AKAP19: variants seen among roughly 807,000 people sequenced by gnomAD.
The protein encoded by AKAP19 is small A-kinase anchoring protein.
the AKAP19 span, among the ~76,000 whole-genome samples, chr2:190,130,537 C>A: frequency 6.6e-6 from 1 of 152,130 alleles, no homozygotes; most frequent in Admixed American, 6.5e-5. Flanking sequence ...CTTACCCCTG[C>A]AGTATGGTGG....
chr2:189,942,174 G>T, the AKAP19 span, among the ~76,000 whole-genome samples: 1 of 152,134 alleles, frequency 6.6e-6, no homozygotes, highest in Non-Finnish European at 1.5e-5. Flanking sequence ...GAAAGGTTTG[G>T]ATCATGGGTG....
the AKAP19 span, among the ~76,000 whole-genome samples, chr2:190,010,484 T>A: frequency 5.9e-5 from 9 of 152,250 alleles, no homozygotes; most frequent in Middle Eastern, 3.4e-3. Flanking sequence ...GTAAAATTAA[T>A]CATGAATTTG....
the AKAP19 span, among the ~76,000 whole-genome samples, chr2:190,017,861 A>G: frequency 6.6e-6 from 1 of 152,064 alleles, no homozygotes; most frequent in African/African-American, 2.4e-5. Flanking sequence ...GTACTCCATT[A>G]CCTTTTGTTT....
chr2:190,190,593 GGTAA>G, the AKAP19 span, among the ~76,000 whole-genome samples: 17,135 of 151,984 alleles, frequency 0.11, 1,415 homozygotes, highest in East Asian at 0.29. Context: ...TGGTTCACAG[GGTAA>G]GTGTGTGGTT....
chr2:190,057,108 C>T, the AKAP19 span: 1 of 743,276 alleles, frequency 1.3e-6, no homozygotes, highest in African/African-American at 1.8e-5. Flanking sequence ...TGCATATATT[C>T]CCCCTTTTAG....
the AKAP19 span, among the ~76,000 whole-genome samples, chr2:189,994,779 A>G: frequency 1.3e-5 from 2 of 151,914 alleles, no homozygotes; most frequent in East Asian, 1.9e-4. Flanking sequence ...TTGTATTTTT[A>G]GTAAAGACAG....
chr2:190,133,885 G>A, the AKAP19 span, among the ~76,000 whole-genome samples: 2 of 152,142 alleles, frequency 1.3e-5, no homozygotes, highest in East Asian at 1.9e-4. Flanking sequence ...ACAAAATTTC[G>A]GTTATGAGAA....
chr2:190,062,926 A>G, the AKAP19 span, among the ~76,000 whole-genome samples: 1 of 152,118 alleles, frequency 6.6e-6, no homozygotes, highest in African/African-American at 2.4e-5. Flanking sequence ...AAAGAAATAA[A>G]TCTACAAATA....
the AKAP19 span, among the ~76,000 whole-genome samples, chr2:189,989,199 A>C: frequency 2.6e-5 from 4 of 152,174 alleles, no homozygotes; most frequent in Non-Finnish European, 5.9e-5. Context: ...ATGCATGAGA[A>C]CATCTCAAGG....
chr2:190,081,417 AC>A, the AKAP19 span, among the ~76,000 whole-genome samples: 1 of 152,086 alleles, frequency 6.6e-6, no homozygotes, highest in East Asian at 1.9e-4. Flanking sequence ...GCCCAGAGGA[AC>A]TTAGTTCCAG....
At chr2:189,968,858 T>C in the AKAP19 span, among the ~76,000 whole-genome samples, 1 of 152,032 alleles carries the variant, frequency 6.6e-6, no homozygotes, top group African/African-American at 2.4e-5. Context: ...AAAATAGATA[T>C]TTGTTTATTA....
chr2:189,982,959 T>C, the AKAP19 span, among the ~76,000 whole-genome samples: 1 of 152,238 alleles, frequency 6.6e-6, no homozygotes, highest in South Asian at 2.1e-4. Flanking sequence ...TTTTGTTTAG[T>C]GGTGCAGTTC....
chr2:189,992,196 C>T, the AKAP19 span, among the ~76,000 whole-genome samples: 1 of 150,978 alleles, frequency 6.6e-6, no homozygotes, highest in African/African-American at 2.4e-5. Flanking sequence ...GATGGGATTA[C>T]AGGCACCCCC....
the AKAP19 span, among the ~76,000 whole-genome samples, chr2:189,990,765 A>G: frequency 6.6e-6 from 1 of 152,044 alleles, no homozygotes; most frequent in South Asian, 2.1e-4. Flanking sequence ...GTTGCATGGA[A>G]AAGTTCTTTA....
chr2:190,037,168 T>C, the AKAP19 span, among the ~76,000 whole-genome samples: 1 of 152,180 alleles, frequency 6.6e-6, no homozygotes, highest in East Asian at 1.9e-4. Flanking sequence ...CCCTGGGTAA[T>C]CAGACTTGGT....
At chr2:189,900,003 C>T in the AKAP19 span, among the ~76,000 whole-genome samples, 9 of 152,206 alleles carry the variant, frequency 5.9e-5, no homozygotes, top group African/African-American at 2.2e-4. Flanking sequence ...TAAACATCCT[C>T]GTCTGCATAT....
chr2:189,891,794 G>T, the AKAP19 span, among the ~76,000 whole-genome samples: 1 of 152,066 alleles, frequency 6.6e-6, no homozygotes, highest in African/African-American at 2.4e-5. Flanking sequence ...GCTAGGTTGG[G>T]AAAGTTCTAC....
chr2:189,901,439 G>T, the AKAP19 span, among the ~76,000 whole-genome samples: 1 of 152,106 alleles, frequency 6.6e-6, no homozygotes, highest in African/African-American at 2.4e-5. Flanking sequence ...CTGGGTTCAA[G>T]CTATTCTCCT....
the AKAP19 span, among the ~76,000 whole-genome samples, chr2:189,936,864 C>T: frequency 6.6e-6 from 1 of 152,162 alleles, no homozygotes; most frequent in Non-Finnish European, 1.5e-5. Context: ...ATGCCTAATG[C>T]CTGTAATCCC....
Sources: gnomAD v4.1 joint callset for allele counts (sites outside exome capture counted in the v4.1 genomes callset) on GRCh38, gnomAD v4.1.1 for gene constraint, MANE v1.5 for transcripts, NCBI Gene and HGNC (gene_info 2026-07-23, HGNC 2026-07-21) for gene names.